Variants in SLC1A3 observed in about 807,000 individuals in gnomAD.
SLC1A3 encodes solute carrier family 1 member 3.
Under a neutral mutation model 48.1 loss-of-function variants are expected in SLC1A3, and 21 were observed. That is an observed-to-expected ratio of 0.44 (90% CI 0.31 to 0.63). The LOEUF (loss-of-function observed/expected upper bound fraction) is 0.63, where lower values mean the gene tolerates loss of function less well. Ranked by LOEUF, SLC1A3 falls within the 20% of genes least tolerant of loss-of-function variation. The pLI is 0.08. For missense variants in SLC1A3, 546 were observed against 689.0 expected (o/e 0.79, Z 2.32); for synonymous variants, 239 against 251.4 (o/e 0.95, Z 0.47).
intron 3 of SLC1A3, among the ~76,000 whole-genome samples, chr5:36,643,658 G>T (rs1166678627): frequency 6.6e-6 from 1 of 152,108 alleles, no homozygotes; most frequent in Admixed American, 6.6e-5. Context: ...CCTTACTGTA[G>T]TTAACACCTG....
rs1474627919 is a variant in SLC1A3 at position 36,687,069 on chromosome 5, G to A, written c.*800G>A. The A allele has an allele frequency of 6.6e-6, 1 of 152,452 alleles. No individual in the cohort carries two copies. The highest frequency in any genetic ancestry group is 2.4e-5 in the African/African-American group (1 of 41,470). 9.4% of individuals were successfully genotyped at this position (152,452 alleles called of 1,614,324 possible). A position where few individuals can be genotyped will look rare whatever the true frequency, so the allele number is the denominator to read the frequency against. Reference sequence around the variant, plus strand: ...AACTAAGGACAGGATGGCTGTGTGTGGTGGTCACCAGGTCCTGTGAGCAAA... The same window carrying A: ...AACTAAGGACAGGATGGCTGTGTGTAGTGGTCACCAGGTCCTGTGAGCAAA... On this transcript the variant is annotated 3_prime_UTR_variant, in exon 10 of 10. Coordinates refer to ENST00000265113, the MANE Select transcript of SLC1A3 (RefSeq NM_004172.5).
chr5:36,636,519 TTC>T (rs1163067119), intron 3 of SLC1A3: 1 of 150,556 alleles, frequency 6.6e-6, no homozygotes, highest in East Asian at 1.9e-4. Context: ...CTTTCTTTCT[TTC>T]TCTCTCTTTC....
At chr5:36,637,895 T>C (rs1261334433) in intron 3 of SLC1A3, among the ~76,000 whole-genome samples, 1 of 151,568 alleles carries the variant, frequency 6.6e-6, no homozygotes, top group Non-Finnish European at 1.5e-5. Flanking sequence ...CAGAGTTCTT[T>C]AATTAATTGA....
chr5:36,628,626 C>T (rs1025455826), intron 2 of SLC1A3, among the ~76,000 whole-genome samples: 3 of 152,198 alleles, frequency 2.0e-5, no homozygotes, highest in Non-Finnish European at 4.4e-5. Context: ...AGTAAATTTA[C>T]ACTTTTATTG....
At chr5:36,634,178 A>G (rs1740244934) in intron 3 of SLC1A3, among the ~76,000 whole-genome samples, 1 of 152,132 alleles carries the variant, frequency 6.6e-6, no homozygotes, top group East Asian at 1.9e-4. Flanking sequence ...CGGGAGTCTG[A>G]GGCAGGAGAA....
At chr5:36,623,329 T>C (rs1173539876) in intron 2 of SLC1A3, among the ~76,000 whole-genome samples, 5 of 152,206 alleles carry the variant, frequency 3.3e-5, no homozygotes. Context: ...ATCACCTAGA[T>C]GCAAACTTTG....
At chr5:36,621,827 G>C (rs1012845264) in intron 2 of SLC1A3, among the ~76,000 whole-genome samples, 1 of 152,106 alleles carries the variant, frequency 6.6e-6, no homozygotes, top group East Asian at 1.9e-4. Flanking sequence ...GCCGTGTATA[G>C]CTCAATTGTC....
At chr5:36,680,705 G>T in intron 8 of SLC1A3, 116 bp downstream of exon 8, 1 of 842,670 alleles carries the variant, frequency 1.2e-6, no homozygotes, top group Non-Finnish European at 2.0e-6. Flanking sequence ...ATCTCCTGAG[G>T]CCAGGAGTTC....
At chr5:36,676,159 T>C (rs1742198514) in intron 5 of SLC1A3, among the ~76,000 whole-genome samples, 1 of 152,212 alleles carries the variant, frequency 6.6e-6, no homozygotes, top group Admixed American at 6.5e-5. Flanking sequence ...CAACTATTAA[T>C]CAGGCACCTA....
At position 36,687,925 on chromosome 5, in the gene SLC1A3, G is replaced by C. The variant is rs56129258; in HGVS notation, c.*1656G>C. 0.017 allele frequency: 2,535 copies of C among 152,534 alleles called. 32 individuals are homozygous for C. The highest frequency in any genetic ancestry group is 0.022 in the Non-Finnish European group (1,484 of 68,022). 9.4% of individuals were successfully genotyped at this position (152,534 alleles called of 1,614,324 possible). A position where few individuals can be genotyped will look rare whatever the true frequency, so the allele number is the denominator to read the frequency against. ...TTCTGGCTGAAAATGGTGAAGAATG[G>C]ACTTAATTATGCTAACAAACTGAAA... On this transcript the variant is annotated 3_prime_UTR_variant, in exon 10 of 10. Transcript: ENST00000265113.
At chr5:36,678,291 A>G (rs1486452305) in intron 6 of SLC1A3, among the ~76,000 whole-genome samples, 1 of 152,208 alleles carries the variant, frequency 6.6e-6, no homozygotes, top group Non-Finnish European at 1.5e-5. Context: ...AAGACAGATC[A>G]GAATGTGGTC....
chr5:36,612,780 G>A (rs1739262764), intron 2 of SLC1A3: 2 of 455,974 alleles, frequency 4.4e-6, no homozygotes, highest in Non-Finnish European at 8.8e-6. Context: ...TTACCACACA[G>A]CTGATGAATA....
intron 3 of SLC1A3, among the ~76,000 whole-genome samples, chr5:36,659,429 G>A (rs1425523046): frequency 6.6e-6 from 1 of 152,140 alleles, no homozygotes; most frequent in African/African-American, 2.4e-5. Context: ...TTTTTTAAAA[G>A]CAAAAATAAA....
At chr5:36,601,079 A>G (rs966579186) in intron 1 of SLC1A3, among the ~76,000 whole-genome samples, 2 of 152,252 alleles carry the variant, frequency 1.3e-5, no homozygotes, top group African/African-American at 4.8e-5. Flanking sequence ...AATAGTTGCT[A>G]TAATAGTCGT....
At chr5:36,653,323 A>T (rs1020038263) in intron 3 of SLC1A3, among the ~76,000 whole-genome samples, 3 of 152,198 alleles carry the variant, frequency 2.0e-5, no homozygotes, top group Non-Finnish European at 4.4e-5. Context: ...TTCATGTCAG[A>T]TAATTACAAT....
At chr5:36,619,013 C>T (rs1234841996) in intron 2 of SLC1A3, among the ~76,000 whole-genome samples, 1 of 152,172 alleles carries the variant, frequency 6.6e-6, no homozygotes, top group African/African-American at 2.4e-5. Flanking sequence ...AAGAGTCACA[C>T]ACCGTGTGCA....
At chr5:36,630,787 C>G (rs1320967161) in intron 3 of SLC1A3, among the ~76,000 whole-genome samples, 1 of 152,184 alleles carries the variant, frequency 6.6e-6, no homozygotes, top group East Asian at 1.9e-4. Context: ...CTGGTTTCCA[C>G]TTGTCCAGGG....
At chr5:36,639,161 G>A (rs552384316) in intron 3 of SLC1A3, among the ~76,000 whole-genome samples, 5 of 152,332 alleles carry the variant, frequency 3.3e-5, no homozygotes, top group African/African-American at 9.6e-5. Context: ...GAAGCCCAGC[G>A]TGGCCACTTC....
At chr5:36,637,908 T>G (rs971839572) in intron 3 of SLC1A3, among the ~76,000 whole-genome samples, 3 of 151,188 alleles carry the variant, frequency 2.0e-5, no homozygotes, top group African/African-American at 7.3e-5. Context: ...TTAATTGATC[T>G]GAAATGGAGC....
Sources: gnomAD v4.1 joint callset for allele counts (sites outside exome capture counted in the v4.1 genomes callset) on GRCh38, gnomAD v4.1.1 for gene constraint, MANE v1.5 for transcripts, NCBI Gene and HGNC (gene_info 2026-07-23, HGNC 2026-07-21) for gene names.